Variants in KIF11 observed in about 807,000 individuals in gnomAD.
KIF11 encodes kinesin-like protein KIF11.
In KIF11, 9 loss-of-function variants were observed where a neutral mutation model predicts 121.0. That is an observed-to-expected ratio of 0.07 (90% CI 0.04 to 0.13). KIF11 has a LOEUF of 0.13. KIF11 is among the 10% of genes least tolerant of loss of function. The pLI is 1.00. For missense variants in KIF11, 846 were observed against 1,217.5 expected (o/e 0.69, Z 4.54); for synonymous variants, 408 against 421.0 (o/e 0.97, Z 0.38).
intron 15 of KIF11, 31 bp from the exon 16 acceptor site, chr10:92,637,356 A>C (rs755009995): frequency 1.6e-5 from 25 of 1,578,776 alleles, no homozygotes; most frequent in Middle Eastern, 1.7e-4. Context: ...TGTGTTGTTT[A>C]AGAAGGAAAC....
At chr10:92,621,285 G>T (rs1844614635) in intron 9 of KIF11, 100 bp from the exon 10 acceptor site, 1 of 585,420 alleles carries the variant, frequency 1.7e-6, no homozygotes, top group South Asian at 2.7e-5. Flanking sequence ...AGTTTTAAAA[G>T]ACATAAAAAG....
intron 10 of KIF11, among the ~76,000 whole-genome samples, chr10:92,625,060 T>C (rs915267614): frequency 8.5e-5 from 13 of 152,130 alleles, no homozygotes; most frequent in Non-Finnish European, 1.8e-4. Context: ...TGAGCCACCA[T>C]GCCCTGCCGG....
rs138462002 is a variant in KIF11, at chr10:92,649,839, G to A, written c.2775G>A (p.Thr925=). ...QDLKLDIPTG[T]TPQRKSYLYP... is the part of the protein sequence containing the mutation. ...CTTATCTAATGTCCGTTAAAGGTAC[G>A]ACACCACAGAGGAAAAGTTATTTAT... Residue 925 remains threonine (T), a synonymous_variant, in exon 20 of 22, where the codon ACG becomes ACA. Transcript: ENST00000260731. The A allele has an allele frequency of 7.5e-4, 1,202 of 1,601,774 alleles. 4 individuals carry two copies. Among genetic ancestry groups the A allele is most frequent in the Non-Finnish European group, 9.1e-4 (1,069 of 1,171,224 alleles).
intron 19 of KIF11, among the ~76,000 whole-genome samples, chr10:92,648,664 A>T (rs1318061628): frequency 6.6e-6 from 1 of 152,230 alleles, no homozygotes; most frequent in Non-Finnish European, 1.5e-5. Context: ...CAGGGAGTTG[A>T]CTTTGTTAAT....
In KIF11 at chr10:92,633,656, A is replaced by G. The variant is rs1403134549; in HGVS notation, c.1736A>G (p.Asp579Gly). Residue 579 changes from aspartate (D) to glycine (G), a missense_variant, in exon 14 of 22, where the codon GAT (aspartate) becomes GGT (glycine). This residue lies in a region of KIF11 where 492 missense variants were observed against 603.4 expected (regional missense o/e 0.82). Transcript: ENST00000260731. ...NLLSSSVSAL[D>G]TITTVALGSL... is the part of the protein sequence containing the mutation. The stretch of plus-strand genomic sequence containing the variant: ...CTGTCTTCCAGTGTCTCTGCATTAG[A>G]TACCATTACTACAGTAGCACTTGGA... 1 of 1,608,042 alleles carries G rather than the reference A, an allele frequency of 6.2e-7. No homozygotes were observed. The highest frequency in any genetic ancestry group is 8.5e-7 in the Non-Finnish European group (1 of 1,175,752).
chr10:92,637,648 G>T (rs1844821991), intron 16 of KIF11, 103 bp downstream of exon 16: 8 of 1,141,772 alleles, frequency 7.0e-6, no homozygotes, highest in East Asian at 2.7e-5. Flanking sequence ...TACTGTAAAA[G>T]CTGAAACCTG....
chr10:92,603,789 G>C (rs1844401637), intron 1 of KIF11, among the ~76,000 whole-genome samples: 1 of 152,130 alleles, frequency 6.6e-6, no homozygotes, highest in Non-Finnish European at 1.5e-5. Flanking sequence ...TGCCTGGCCT[G>C]CTTTATTTTC....
intron 4 of KIF11, among the ~76,000 whole-genome samples, chr10:92,608,123 A>T (rs1463231366): frequency 2.7e-5 from 4 of 150,038 alleles, no homozygotes; most frequent in Admixed American, 1.3e-4. Flanking sequence ...AAAAAAAAGA[A>T]TTTTTTTTAA....
intron 10 of KIF11, among the ~76,000 whole-genome samples, chr10:92,624,501 C>T (rs963185117): frequency 1.6e-4 from 25 of 151,714 alleles, no homozygotes; most frequent in South Asian, 2.1e-4. Flanking sequence ...GGTATCCTGG[C>T]GTACTGGGAT....
intron 10 of KIF11, among the ~76,000 whole-genome samples, chr10:92,626,734 A>G (rs756677961): frequency 6.6e-6 from 1 of 152,126 alleles, no homozygotes; most frequent in Non-Finnish European, 1.5e-5. Flanking sequence ...TTTACATAAA[A>G]GATCTATTTC....
At chr10:92,609,605 G>C in intron 6 of KIF11, 96 bp downstream of exon 6, 8 of 1,149,866 alleles carry the variant, frequency 7.0e-6, no homozygotes, top group Non-Finnish European at 8.7e-6. Context: ...GGGTATGTGG[G>C]TCACGTACCT....
In KIF11 at chr10:92,653,661, A is replaced by G; in HGVS notation, c.3040-4A>G. 1 of 1,609,654 alleles carries G rather than the reference A, an allele frequency of 6.2e-7. No individual in the cohort carries two copies. The highest frequency in any genetic ancestry group is 8.5e-7 in the Non-Finnish European group (1 of 1,178,058). ...GACTTAATTTTCCCGCCTTAAATCC[A>G]CAGCATAAAAAATCACATGGAAAAG... On this transcript the variant is annotated splice_polypyrimidine_tract_variant and splice_region_variant and intron_variant, in intron 21 of 21. Coordinates refer to ENST00000260731, the MANE Select transcript of KIF11 (RefSeq NM_004523.4).
chr10:92,637,358 G>A (rs780972535), intron 15 of KIF11, 29 bp from the exon 16 acceptor site: 1 of 1,578,346 alleles, frequency 6.3e-7, no homozygotes, highest in Non-Finnish European at 8.5e-7. Context: ...TGTTGTTTAA[G>A]AAGGAAACTC....
chr10:92,617,515 C>T (rs147617108), intron 9 of KIF11, among the ~76,000 whole-genome samples: 1 of 152,016 alleles, frequency 6.6e-6, no homozygotes, highest in Admixed American at 6.6e-5. Context: ...GATGTGTTTT[C>T]ATTTCTTTTG....
At chr10:92,646,205 G>C (rs1206112897) in intron 18 of KIF11, among the ~76,000 whole-genome samples, 1 of 151,976 alleles carries the variant, frequency 6.6e-6, no homozygotes, top group African/African-American at 2.4e-5. Flanking sequence ...ACCCGCCTCG[G>C]CCTCCCAAAG....
chr10:92,613,084 C>T lies in KIF11; in HGVS notation c.743C>T (p.Thr248Ile). ...TCTGTTACAATACATATGAAAGAAA[C>T]TACGATTGATGGAGAAGAGCTTGTT... Reference protein sequence around the residue: ...VFSVTIHMKETTIDGEELVKI... With the variant: ...VFSVTIHMKEITIDGEELVKI... The change falls in exon 7 of 22, where the codon ACT becomes ATT. Residue 248 changes from threonine to isoleucine, a missense_variant. This residue lies in a region of KIF11 where 116 missense variants were observed against 285.3 expected (regional missense o/e 0.41). Coordinates refer to ENST00000260731, the MANE Select transcript of KIF11 (RefSeq NM_004523.4). The surrounding 1 kb of genome is among the most constrained non-coding windows in gnomAD (Gnocchi z 4.2). 6.2e-7 allele frequency: 1 copy of T among 1,612,492 alleles called. No homozygotes were observed. The highest frequency in any genetic ancestry group is 8.5e-7 in the Non-Finnish European group (1 of 1,178,916).
At chr10:92,594,171 C>T (rs903035620) in intron 1 of KIF11, among the ~76,000 whole-genome samples, 1 of 152,210 alleles carries the variant, frequency 6.6e-6, no homozygotes, top group Non-Finnish European at 1.5e-5. Context: ...CCACAGTTTA[C>T]TGAGTATGTG....
Position 92,606,338 on chromosome 10 carries a change from A to G in KIF11, c.151A>G (p.Ser51Gly), listed in dbSNP as rs1844430675. The change falls in exon 2 of 22, where the codon AGT becomes GGT. Residue 51 changes from serine (S) to glycine (G), a missense_variant. Physicochemically the swap from Ser to Gly is moderately conservative, Grantham distance 56. This residue lies in a region of KIF11 where 140 missense variants were observed against 193.5 expected (regional missense o/e 0.72). Coordinates refer to ENST00000260731, the MANE Select transcript of KIF11 (RefSeq NM_004523.4). ...ATGTGATCCTGTACGAAAAGAAGTT[A>G]GTGTACGAACTGGAGGATTGGCTGA... ...VECDPVRKEV[S>G]VRTGGLADKS... The G allele has an allele frequency of 1.2e-6, 2 of 1,612,620 alleles. No homozygotes were observed. Among genetic ancestry groups the G allele is most frequent in the Non-Finnish European group, 1.7e-6 (2 of 1,179,390 alleles).
At chr10:92,645,683 TAATC>T in intron 18 of KIF11, 41 bp downstream of exon 18, 7 of 1,415,950 alleles carry the variant, frequency 4.9e-6, no homozygotes, top group Non-Finnish European at 5.8e-6. Flanking sequence ...GGGAGAATAA[TAATC>T]AGAAAGTTAA....
Sources: allele counts gnomAD v4.1 joint callset (sites outside exome capture counted in the v4.1 genomes callset), GRCh38; gene constraint gnomAD v4.1.1; regional missense constraint gnomAD v4.1.1; non-coding constraint Gnocchi (gnomAD v3.1); transcripts MANE v1.5; gene names NCBI Gene and HGNC (gene_info 2026-07-23, HGNC 2026-07-21).